TMEM247: variants seen among roughly 807,000 people sequenced by gnomAD.
The protein encoded by TMEM247 is transmembrane protein ENSP00000343375.
TMEM247 carries 23 observed loss-of-function variants against 20.7 expected under a neutral mutation model. The ratio of observed to expected loss-of-function variants is 1.11; its 90% confidence interval spans 0.80 to 1.57. The LOEUF (loss-of-function observed/expected upper bound fraction) is 1.57, where lower values mean the gene tolerates loss of function less well. TMEM247 is among the 40% of genes most tolerant of loss of function. The pLI, the probability that TMEM247 is intolerant of heterozygous loss-of-function variation, is 0.00. For synonymous variants in TMEM247, 106 were observed against 111.9 expected, an observed-to-expected ratio of 0.95 and a Z score of 0.33; for missense variants, 354 against 283.8, an observed-to-expected ratio of 1.25 and a Z score of -1.78.
chr2:46,484,094 A>G (rs1259683041), intron 2 of TMEM247, 150 bp from the exon 3 acceptor site: 3 of 702,858 alleles, frequency 4.3e-6, no homozygotes, highest in Non-Finnish European at 6.9e-6. Context: ...CCCAGCCCTC[A>G]TGATTTTGGA....
At chr2:46,480,208 G>A (rs189859440) in intron 1 of TMEM247, among the ~76,000 whole-genome samples, 197 bp from the exon 2 acceptor site, 1 of 152,046 alleles carries the variant, frequency 6.6e-6, no homozygotes, top group African/African-American at 2.4e-5. Flanking sequence ...ATTACTTTGT[G>A]CTAGTTTGCC....
chr2:46,484,409 A>C, exon 3 of TMEM247: 1 of 1,551,740 alleles, frequency 6.4e-7, no homozygotes, highest in South Asian at 1.2e-5. Context: ...CTGTTTGATT[A>C]AAACTTTCTG....
exon 3 of TMEM247, chr2:46,484,338 A>C (rs1686947738): frequency 6.4e-7 from 1 of 1,552,348 alleles, no homozygotes; most frequent in Non-Finnish European, 8.7e-7. Context: ...TATGTCACCA[A>C]GGAGATGGTC....
chr2:46,484,346 G>A (rs1558644706), exon 3 of TMEM247: 1 of 1,552,362 alleles, frequency 6.4e-7, no homozygotes, highest in South Asian at 1.2e-5. Flanking sequence ...CAAGGAGATG[G>A]TCTTCTTTCT....
At chr2:46,480,023 G>A (rs1177019742) in intron 1 of TMEM247, among the ~76,000 whole-genome samples, 1 of 152,108 alleles carries the variant, frequency 6.6e-6, no homozygotes, top group African/African-American at 2.4e-5. Flanking sequence ...TTCAGACCCT[G>A]GGTTTCTTTC....
At chr2:46,482,892 T>C (rs1686916143) in intron 2 of TMEM247, among the ~76,000 whole-genome samples, 1 of 152,216 alleles carries the variant, frequency 6.6e-6, no homozygotes, top group Non-Finnish European at 1.5e-5. Flanking sequence ...GTTTCAACAG[T>C]GATGTGTCCC....
At chr2:46,479,773 A>G in intron 1 of TMEM247, 71 bp downstream of exon 1, 3 of 1,133,486 alleles carry the variant, frequency 2.6e-6, no homozygotes, top group South Asian at 1.4e-5. Flanking sequence ...GTAGGAACAC[A>G]TGCTTTGAGC....
At chr2:46,480,103 C>G (rs1057465431) in intron 1 of TMEM247, among the ~76,000 whole-genome samples, 2 of 152,224 alleles carry the variant, frequency 1.3e-5, no homozygotes, top group African/African-American at 4.8e-5. Flanking sequence ...AGGATGGGCC[C>G]GGAAGTTGCC....
exon 2 of TMEM247, chr2:46,480,481 A>T (rs1345360896): frequency 1.7e-5 from 26 of 1,551,574 alleles, no homozygotes; most frequent in Non-Finnish European, 2.2e-5. Context: ...GGAGGCTGCC[A>T]AGGGCCGCTT....
At chr2:46,483,439 G>A (rs191780876) in intron 2 of TMEM247, among the ~76,000 whole-genome samples, 6 of 152,336 alleles carry the variant, frequency 3.9e-5, no homozygotes, top group East Asian at 3.9e-4. Context: ...GCTGACCCAC[G>A]TGATATGTGT....
chr2:46,480,308 T>C lies in TMEM247; in HGVS notation c.118-97T>C, dbSNP rs1324577847. 1.3e-5 allele frequency: 17 copies of C among 1,280,098 alleles called. No homozygotes were observed. In the South Asian group the frequency reaches 1.6e-4, roughly 12 times the overall value. 79.3% of individuals were successfully genotyped at this position (1,280,098 alleles called of 1,614,324 possible). On this transcript the variant is annotated intron_variant, in intron 1 of 2. Transcript: ENST00000434431. ...GATCTTTACAATTCAAACACCCCAG[T>C]CCACTGCGGCCTGGGGCTGCGGGAG...
intron 1 of TMEM247, among the ~76,000 whole-genome samples, chr2:46,480,183 C>A (rs1686850949): frequency 6.7e-6 from 1 of 150,240 alleles, no homozygotes. Flanking sequence ...CCTCCACTTG[C>A]AACTTTAGGG....
chr2:46,484,125 C>T, intron 2 of TMEM247, 119 bp from the exon 3 acceptor site: 1 of 911,494 alleles, frequency 1.1e-6, no homozygotes, highest in Non-Finnish European at 1.6e-6. Flanking sequence ...ATTACCCTTT[C>T]TTTAGGTGAA....
At chr2:46,481,020 G>A (rs1478548692) in intron 2 of TMEM247, among the ~76,000 whole-genome samples, 1 of 152,132 alleles carries the variant, frequency 6.6e-6, no homozygotes, top group Non-Finnish European at 1.5e-5. Flanking sequence ...GAGCTTCCAC[G>A]GGAAGCTGAG....
At chr2:46,484,289 G>T (rs570219288) in exon 3 of TMEM247, 3 of 1,552,032 alleles carry the variant, frequency 1.9e-6, no homozygotes, top group East Asian at 2.4e-5. Flanking sequence ...GAACCAGTTT[G>T]CCATGTTCCT....
exon 1 of TMEM247, chr2:46,479,577 G>A: frequency 6.4e-7 from 1 of 1,551,122 alleles, no homozygotes; most frequent in Non-Finnish European, 8.7e-7. Flanking sequence ...CAGCGTTCTG[G>A]TTTTCTGGAT....
At chr2:46,480,914 G>A (rs1237424383) in intron 2 of TMEM247, 150 bp downstream of exon 2, 3 of 1,171,256 alleles carry the variant, frequency 2.6e-6, no homozygotes, top group Admixed American at 2.9e-5. Flanking sequence ...GCATCCACTC[G>A]GGCGGTCTCC....
exon 3 of TMEM247, chr2:46,484,253 G>A: frequency 1.3e-6 from 2 of 1,549,340 alleles, no homozygotes; most frequent in African/African-American, 1.4e-5. Flanking sequence ...GTTTTCAGGA[G>A]GCCTCCAGAA....
At chr2:46,479,573 T>C in exon 1 of TMEM247, 4 of 1,550,038 alleles carry the variant, frequency 2.6e-6, no homozygotes, top group Non-Finnish European at 3.5e-6. Context: ...CTGGCAGCGT[T>C]CTGGTTTTCT....
Sources: gnomAD v4.1 joint callset for allele counts (sites outside exome capture counted in the v4.1 genomes callset) on GRCh38, gnomAD v4.1.1 for gene constraint, MANE v1.5 for transcripts, NCBI Gene and HGNC (gene_info 2026-07-23, HGNC 2026-07-21) for gene names.